Variants in ZNF777 observed in about 807,000 individuals in gnomAD.
ZNF777 encodes the protein zinc finger protein 777.
In ZNF777, 7 loss-of-function variants were observed where a neutral mutation model predicts 72.1. The ratio of observed to expected loss-of-function variants is 0.10; its 90% CI spans 0.06 to 0.18. The LOEUF (loss-of-function observed/expected upper bound fraction) is 0.18, where lower values mean the gene tolerates loss of function less well. Among genes scored for constraint, ZNF777 ranks in the 10% least tolerant of loss-of-function variants. ZNF777 has a pLI of 1.00. For synonymous variants in ZNF777, 545 were observed against 483.5 expected (o/e 1.13, Z -1.67); for missense variants, 828 against 1,128.6 (o/e 0.73, Z 3.82).
At chr7:149,433,405 T>C (rs1200322200) in intron 5 of ZNF777, among the ~76,000 whole-genome samples, 1 of 152,214 alleles carries the variant, frequency 6.6e-6, no homozygotes, top group Non-Finnish European at 1.5e-5. Context: ...ACTTAAAGGT[T>C]GGGTTTCTAC....
chr7:149,459,413 C>T lies in ZNF777; in HGVS notation c.-16+1402G>A, dbSNP rs141590319. ...GGGCACTCAAAGTTTAGCCTACGAC[C>T]TTCCAGACGCAGAGGCCGGAGGCAG... On this transcript the variant is annotated intron_variant, in intron 1 of 5. Coordinates refer to ENST00000247930, the MANE Select transcript of ZNF777 (RefSeq NM_015694.3). Among the ~76,000 whole-genome samples the T allele has an allele frequency of 7.2e-5, 11 of 152,360 alleles. No individual in the cohort carries two copies. The East Asian group carries it at 2.1e-3, about 29-fold the overall frequency.
At chr7:149,459,027 A>G (rs1470020733) in intron 1 of ZNF777, among the ~76,000 whole-genome samples, 1 of 152,208 alleles carries the variant, frequency 6.6e-6, no homozygotes, top group Non-Finnish European at 1.5e-5. Context: ...ATTTTTTTGA[A>G]TGACCCAGTA....
chr7:149,431,934 A>C lies in ZNF777; in HGVS notation c.2338T>G (p.Cys780Gly). 1 of 1,610,402 alleles carries C rather than the reference A, an allele frequency of 6.2e-7. No homozygotes were observed. The highest frequency in any genetic ancestry group is 8.5e-7 in the Non-Finnish European group (1 of 1,179,460). ...RIHTGERPYH[C>G]AECGKRFTQK... The stretch of plus-strand genomic sequence containing the variant: ...GTGAAGCGCTTGCCGCACTCGGCGC[A>C]GTGGTAGGGCCGCTCGCCTGTGTGG... The change falls in exon 6 of 6, where the codon TGC becomes GGC. Residue 780 changes from cysteine (C) to glycine (G), a missense_variant. Transcript: ENST00000247930.
chr7:149,460,436 G>A lies in ZNF777; in HGVS notation c.-16+379C>T, dbSNP rs1161111137. Among the ~76,000 whole-genome samples, 3 of 146,376 alleles carry A rather than the reference G, an allele frequency of 2.0e-5. No individual in the cohort carries two copies. The highest frequency in any genetic ancestry group is 7.4e-5 in the African/African-American group (3 of 40,786). On this transcript the variant is annotated intron_variant, in intron 1 of 5. Coordinates refer to ENST00000247930, the MANE Select transcript of ZNF777 (RefSeq NM_015694.3). This position sits in a 1 kb window ranked among gnomAD's most constrained non-coding sequence, Gnocchi z 6.1. ...CGTCCCGGCGGCGAGCTGGGCCCCG[G>A]CCCTCAACGGCGGCCCCCGGCCCGC...
Position 149,451,054 on chromosome 7 carries a change from G to C in ZNF777, c.1032C>G (p.Thr344=), listed in dbSNP as rs756645783. 6.2e-7 allele frequency: 1 copy of C among 1,613,990 alleles called. No individual in the cohort carries two copies. The highest frequency in any genetic ancestry group is 1.3e-5 in the African/African-American group (1 of 75,020). Residue 344 remains threonine (T), a synonymous_variant, in exon 4 of 6, where the codon ACC becomes ACG. Coordinates refer to ENST00000247930, the MANE Select transcript of ZNF777 (RefSeq NM_015694.3). The part of the protein sequence containing the change: ...MSQMERGERP[T]MQEQEDSEEG... ...CCTCAGAGTCTTCCTGCTCCTGCAT[G>C]GTGGGCCGCTCCCCGCGCTCCATCT...
At position 149,460,131 on chromosome 7, in the gene ZNF777, G is replaced by T; in HGVS notation, c.-16+684C>A. On this transcript the variant is annotated intron_variant, in intron 1 of 5. Transcript: ENST00000247930. This position sits in a 1 kb window ranked among gnomAD's most constrained non-coding sequence, Gnocchi z 6.1. Reference sequence around the variant, plus strand: ...GCGCGGGCCGCCCTCACAGGAGCCGGGGCCGCCTCGGCCATGGCCCTGCGC... The same window carrying T: ...GCGCGGGCCGCCCTCACAGGAGCCGTGGCCGCCTCGGCCATGGCCCTGCGC... 2.0e-6 allele frequency: 2 copies of T among 980,996 alleles called. No individual in the cohort carries two copies. Among genetic ancestry groups the T allele is most frequent in the Non-Finnish European group, 2.4e-6 (2 of 828,046 alleles). The allele number at this position is 980,996 out of a possible 1,614,324, so 60.8% of individuals were successfully genotyped here.
intron 1 of ZNF777, chr7:149,459,769 G>A (rs942378219): frequency 9.3e-5 from 92 of 984,744 alleles, no homozygotes; most frequent in Non-Finnish European, 9.9e-5. Context: ...GCCGGGGAAG[G>A]CTCCGCGGGG....
Position 149,432,639 on chromosome 7 carries a change from G to A in ZNF777, c.1633C>T (p.Pro545Ser). The A allele has an allele frequency of 6.2e-7, 1 of 1,613,604 alleles. No homozygotes were observed. Among genetic ancestry groups the A allele is most frequent in the Non-Finnish European group, 8.5e-7 (1 of 1,179,744 alleles). ...QQQRNRRGER[P>S]FTCMECGKSF... ...TTGCCGCACTCCATGCATGTGAAGG[G>A]CCGCTCGCCGCGCCGGTTCCGCTGC... The change falls in exon 6 of 6, where the codon CCC becomes TCC. Residue 545 changes from proline (P) to serine (S), a missense_variant. Pro to Ser is a moderately conservative substitution (Grantham distance 74). Around this residue, in one of 12 missense-constraint regions of ZNF777, gnomAD observed 22 missense variants for 48.3 expected, o/e 0.46. Coordinates refer to ENST00000247930, the MANE Select transcript of ZNF777 (RefSeq NM_015694.3).
chr7:149,440,096 C>T (rs926833749), intron 4 of ZNF777, among the ~76,000 whole-genome samples: 19 of 152,088 alleles, frequency 1.2e-4, no homozygotes, highest in African/African-American at 4.3e-4. Flanking sequence ...TTATATGCCA[C>T]GAAGATCACA....
intron 1 of ZNF777, 65 bp from the exon 2 acceptor site, chr7:149,456,102 CCAAAGA>C: frequency 6.7e-7 from 1 of 1,491,480 alleles, no homozygotes; most frequent in Non-Finnish European, 8.9e-7. Context: ...AAAATAAAAC[CCAAAGA>C]CAAGTATACA....
intron 3 of ZNF777, 26 bp from the exon 4 acceptor site, chr7:149,451,138 A>G: frequency 6.3e-7 from 1 of 1,592,722 alleles, no homozygotes; most frequent in Non-Finnish European, 8.6e-7. Flanking sequence ...GGAAAAAAAT[A>G]TGCTCTGGGA....
chr7:149,451,201 G>A, intron 3 of ZNF777, 89 bp from the exon 4 acceptor site: 2 of 1,176,512 alleles, frequency 1.7e-6, no homozygotes, highest in Non-Finnish European at 2.5e-6. Flanking sequence ...GTGATTCCAG[G>A]AGCAGCTCCT....
rs576131207 is a variant in ZNF777, at chr7:149,433,016, C to A, written c.1340-84G>T. 3.6e-5 allele frequency: 51 copies of A among 1,432,356 alleles called. No homozygotes were observed. In the East Asian group the frequency reaches 1.2e-3, roughly 34 times the overall value. 88.7% of individuals were successfully genotyped at this position (1,432,356 alleles called of 1,614,324 possible). A position where few individuals can be genotyped will look rare whatever the true frequency, so the allele number is the denominator to read the frequency against. On this transcript the variant is annotated intron_variant, in intron 5 of 5. Coordinates refer to ENST00000247930, the MANE Select transcript of ZNF777 (RefSeq NM_015694.3). ...TGGATGGAGGTACAGCACTGCTTCA[C>A]CCTCACCAAAACATTGCATTATTGG...
At chr7:149,446,708 T>TC (rs1466485357) in intron 4 of ZNF777, among the ~76,000 whole-genome samples, 1 of 151,826 alleles carries the variant, frequency 6.6e-6, no homozygotes, top group African/African-American at 2.4e-5. Context: ...CAAACAAGAA[T>TC]CCCCCCAACT....
At chr7:149,446,736 C>T (rs556764428) in intron 4 of ZNF777, among the ~76,000 whole-genome samples, 2 of 152,116 alleles carry the variant, frequency 1.3e-5, no homozygotes, top group East Asian at 1.9e-4. Flanking sequence ...ATTTCCACTC[C>T]CCCACAGCTA....
chr7:149,452,654 A>G (rs1799747620), intron 3 of ZNF777, among the ~76,000 whole-genome samples: 1 of 151,824 alleles, frequency 6.6e-6, no homozygotes, highest in Admixed American at 6.6e-5. Flanking sequence ...AAAAAAGTAA[A>G]TAAATAAATA....
At chr7:149,432,971 C>T in intron 5 of ZNF777, 39 bp from the exon 6 acceptor site, 3 of 1,450,110 alleles carry the variant, frequency 2.1e-6, no homozygotes, top group Non-Finnish European at 2.7e-6. Context: ...TTAGCTGCTG[C>T]CTGGCGCCCC....
chr7:149,458,607 A>G (rs1563241997), intron 1 of ZNF777, among the ~76,000 whole-genome samples: 3 of 152,212 alleles, frequency 2.0e-5, no homozygotes, highest in Non-Finnish European at 2.9e-5. Context: ...GACAAATCAG[A>G]GCTCAAAGGA....
intron 1 of ZNF777, chr7:149,459,566 G>A (rs1022760864): frequency 4.3e-6 from 4 of 928,810 alleles, no homozygotes; most frequent in Middle Eastern, 5.5e-4. Flanking sequence ...ACCCAGGGGC[G>A]GCCGCCGCCA....
Sources: gnomAD v4.1 joint callset for allele counts (sites outside exome capture counted in the v4.1 genomes callset) on GRCh38, gnomAD v4.1.1 for gene constraint, gnomAD v4.1.1 regional missense constraint, Gnocchi (gnomAD v3.1) non-coding constraint, MANE v1.5 for transcripts, NCBI Gene and HGNC (gene_info 2026-07-23, HGNC 2026-07-21) for gene names.